The following TRPM3 variants were observed in gnomAD, a reference collection of about 807,000 sequenced individuals.
TRPM3 encodes long transient receptor potential channel 3.
TRPM3 carries 77 observed loss-of-function variants against 181.2 expected under a neutral mutation model. The ratio of observed to expected loss-of-function variants is 0.42; its 90% CI spans 0.35 to 0.51. The LOEUF (loss-of-function observed/expected upper bound fraction) is 0.51, where lower values mean the gene tolerates loss of function less well. Among genes scored for constraint, TRPM3 ranks in the 20% least tolerant of loss-of-function variants. The pLI is 0.01. For synonymous variants in TRPM3, 745 were observed against 796.4 expected, an observed-to-expected ratio of 0.94 and a Z score of 1.09; for missense variants, 1,759 against 2,196.7, an observed-to-expected ratio of 0.80 and a Z score of 3.98.
In TRPM3 at chr9:70,530,768, A is replaced by C. The variant is rs896189261; in HGVS notation, c.*5185T>G. On this transcript the variant is annotated 3_prime_UTR_variant, in exon 26 of 26. Transcript: ENST00000677713. ...TTCTTTTGGTTGACTCCAATCTGAG[A>C]GACAGAATATCCAACTTGTAAAAAG... 1.3e-5 allele frequency: 2 copies of C among 152,220 alleles called. No homozygotes were observed. Among genetic ancestry groups the C allele is most frequent in the African/African-American group, 2.4e-5 (1 of 41,460 alleles). 9.4% of individuals were successfully genotyped at this position (152,220 alleles called of 1,614,324 possible).
chr9:71,060,993 T>C (rs949087290), intron 1 of TRPM3, among the ~76,000 whole-genome samples: 9 of 152,016 alleles, frequency 5.9e-5, no homozygotes, highest in Admixed American at 6.6e-5. Flanking sequence ...AAGAAAAAAG[T>C]GGGTCTTTAT....
chr9:70,656,078 C>A (rs1486479123), intron 9 of TRPM3, among the ~76,000 whole-genome samples: 1 of 152,062 alleles, frequency 6.6e-6, no homozygotes, highest in African/African-American at 2.4e-5. Context: ...GTAACTTAAG[C>A]AAACTGTTTA....
chr9:71,396,670 A>G (rs974995111), intron 1 of TRPM3, among the ~76,000 whole-genome samples: 1 of 151,972 alleles, frequency 6.6e-6, no homozygotes, highest in South Asian at 2.1e-4. Context: ...TTTAAGGAAA[A>G]AAAAAAAAAT....
At chr9:70,917,272 A>T in intron 1 of TRPM3, 1 of 1,476,488 alleles carries the variant, frequency 6.8e-7, no homozygotes, top group African/African-American at 1.4e-5. Context: ...CCAATTCAGC[A>T]TAGTCAATTA....
chr9:71,122,579 T>C (rs924946067), upstream of TRPM3, among the ~76,000 whole-genome samples: 10 of 152,276 alleles, frequency 6.6e-5, no homozygotes, highest in Middle Eastern at 6.8e-3. Flanking sequence ...CTTGAAGAGA[T>C]TGGTAAATCC....
In TRPM3 at chr9:70,532,862, G is replaced by C. The variant is rs1233667362; in HGVS notation, c.*3091C>G. ...GATCAGGGATGTGGTGGAATCAATGGGCTGAGCATAAGCTGACTGCACAAG... is the reference window on the plus strand; with the variant it reads ...GATCAGGGATGTGGTGGAATCAATGCGCTGAGCATAAGCTGACTGCACAAG... On this transcript the variant is annotated 3_prime_UTR_variant, in exon 26 of 26. Coordinates refer to ENST00000677713, the MANE Select transcript of TRPM3 (RefSeq NM_001366145.2). 6.6e-6 allele frequency: 1 copy of C among 152,262 alleles called. No homozygotes were observed. The highest frequency in any genetic ancestry group is 6.5e-5 in the Admixed American group (1 of 15,288). The allele number at this position is 152,262 out of a possible 1,614,324, so 9.4% of individuals were successfully genotyped here. A position where few individuals can be genotyped will look rare whatever the true frequency, so the allele number is the denominator to read the frequency against.
At chr9:70,574,347 G>A (rs191733836) in intron 22 of TRPM3, among the ~76,000 whole-genome samples, 1 of 152,226 alleles carries the variant, frequency 6.6e-6, no homozygotes, top group East Asian at 1.9e-4. Context: ...GGCAGGAGGA[G>A]TACCCTCCCC....
At chr9:71,238,836 C>T (rs1186991605) in intron 1 of TRPM3, among the ~76,000 whole-genome samples, 1 of 152,162 alleles carries the variant, frequency 6.6e-6, no homozygotes, top group Admixed American at 6.5e-5. Context: ...AGCTTTCTCT[C>T]TCCCTAGTAC....
intron 1 of TRPM3, among the ~76,000 whole-genome samples, chr9:71,105,201 G>A (rs2069234092): frequency 6.6e-6 from 1 of 152,188 alleles, no homozygotes; most frequent in South Asian, 2.1e-4. Context: ...AGACACAGGA[G>A]TGCATATTGT....
intron 1 of TRPM3, among the ~76,000 whole-genome samples, chr9:71,084,585 C>T (rs2064965677): frequency 6.6e-6 from 1 of 151,840 alleles, no homozygotes; most frequent in Non-Finnish European, 1.5e-5. Flanking sequence ...AAGATCTCTA[C>T]AAGAAGAACT....
intron 1 of TRPM3, among the ~76,000 whole-genome samples, chr9:71,442,394 C>G (rs983743582): frequency 2.6e-5 from 4 of 152,068 alleles, no homozygotes; most frequent in African/African-American, 9.7e-5. Context: ...TGAAAACAAG[C>G]TTTTAAATAG....
At chr9:70,880,598 G>T (rs887129392) in intron 1 of TRPM3, among the ~76,000 whole-genome samples, 1 of 152,002 alleles carries the variant, frequency 6.6e-6, no homozygotes, top group Non-Finnish European at 1.5e-5. Context: ...ACCCTGGCCA[G>T]GTTTAAATGA....
intron 1 of TRPM3, among the ~76,000 whole-genome samples, chr9:71,173,747 T>C (rs1387167947): frequency 6.6e-6 from 1 of 152,212 alleles, no homozygotes; most frequent in Admixed American, 6.5e-5. Context: ...AAGGATGATA[T>C]TGAAATGGCT....
chr9:70,756,411 A>G (rs770998759), intron 8 of TRPM3, among the ~76,000 whole-genome samples: 2 of 152,078 alleles, frequency 1.3e-5, no homozygotes, highest in African/African-American at 4.8e-5. Context: ...TAACACCCCC[A>G]TTGTCAATAT....
intron 1 of TRPM3, among the ~76,000 whole-genome samples, chr9:70,994,790 T>C (rs2134165217): frequency 6.6e-6 from 1 of 152,366 alleles, no homozygotes; most frequent in South Asian, 2.1e-4. Flanking sequence ...TCTGCTTTTG[T>C]TGTGCATTCT....
intron 1 of TRPM3, among the ~76,000 whole-genome samples, chr9:70,982,897 C>T (rs772430520): frequency 4.6e-5 from 7 of 151,958 alleles, no homozygotes; most frequent in Admixed American, 1.3e-4. Context: ...GATGGGGTTT[C>T]GCCATGTTGG....
chr9:70,618,955 C>T lies in TRPM3; in HGVS notation c.2270G>A (p.Arg757His), dbSNP rs1420430451. ...GCTGCACGTGTGCGCGATGAAGTCG[C>T]GGTGTTTGGCAGCCACGGCAAGCTG... The part of the protein sequence containing the change: ...CLQLAVAAKH[R>H]DFIAHTCSQM... The change falls in exon 17 of 26, where the codon CGC becomes CAC. Residue 757 changes from arginine (R) to histidine (H), a missense_variant. Coordinates refer to ENST00000677713, the MANE Select transcript of TRPM3 (RefSeq NM_001366145.2). The T allele has an allele frequency of 3.1e-6, 5 of 1,613,898 alleles. No homozygotes were observed. Among genetic ancestry groups the T allele is most frequent in the African/African-American group, 1.3e-5 (1 of 74,942 alleles).
chr9:71,168,660 C>G (rs1463801381), intron 1 of TRPM3, among the ~76,000 whole-genome samples: 1 of 109,464 alleles, frequency 9.1e-6, no homozygotes, highest in African/African-American at 3.4e-5. Context: ...TTTATTATTA[C>G]TATCCCTGAC....
chr9:71,334,903 CATT>C (rs2090448321), intron 1 of TRPM3, among the ~76,000 whole-genome samples: 1 of 152,102 alleles, frequency 6.6e-6, no homozygotes, highest in Non-Finnish European at 1.5e-5. Context: ...CTATTTACCT[CATT>C]GTTGGTTTAT....
Sources: allele counts gnomAD v4.1 joint callset (sites outside exome capture counted in the v4.1 genomes callset), GRCh38; gene constraint gnomAD v4.1.1; transcripts MANE v1.5; gene names NCBI Gene and HGNC (gene_info 2026-07-23, HGNC 2026-07-21).